Variants in STAU1 observed in about 807,000 individuals in gnomAD.
The protein encoded by STAU1 is double-stranded RNA-binding protein Staufen homolog 1.
A neutral mutation model predicts 62.9 loss-of-function variants in STAU1; 13 were observed. The ratio of observed to expected loss-of-function variants is 0.21; its 90% CI spans 0.13 to 0.33. The LOEUF (loss-of-function observed/expected upper bound fraction) is 0.33. Among genes scored for constraint, STAU1 ranks in the 10% least tolerant of loss-of-function variants. The pLI, the probability that STAU1 is intolerant of heterozygous loss-of-function variation, is 1.00. For missense variants in STAU1, 571 were observed against 712.1 expected, an observed-to-expected ratio of 0.80 and a Z score of 2.25; for synonymous variants, 269 against 265.1, an observed-to-expected ratio of 1.01 and a Z score of -0.14.
Position 49,166,014 on chromosome 20 carries a change from G to A in STAU1, c.188C>T (p.Ser63Phe), listed in dbSNP as rs2093520296. The A allele has an allele frequency of 1.9e-6, 3 of 1,614,172 alleles. No homozygotes were observed. Among genetic ancestry groups the A allele is most frequent in the Non-Finnish European group, 2.5e-6 (3 of 1,179,986 alleles). Residue 63 changes from serine (S) to phenylalanine (F), a missense_variant, in exon 3 of 14, where the codon TCC (serine) becomes TTC (phenylalanine). Coordinates refer to ENST00000371856, the MANE Select transcript of STAU1 (RefSeq NM_017453.4). Reference sequence around the variant, plus strand: ...ATGCTTACCTGCAGCTGCACTGGTGGATGTAATAGATGCAGAGGGTAAAGC... The same window carrying A: ...ATGCTTACCTGCAGCTGCACTGGTGAATGTAATAGATGCAGAGGGTAAAGC... ...NSALPSASIT[S>F]TSAAAESITP...
chr20:49,199,036 C>T, the STAU1 span, among the ~76,000 whole-genome samples: 1 of 151,340 alleles, frequency 6.6e-6, no homozygotes, highest in Non-Finnish European at 1.5e-5. Context: ...ATCCCAGCCA[C>T]TCGGGAGGCT....
the STAU1 span, among the ~76,000 whole-genome samples, chr20:49,199,235 G>A: frequency 6.6e-6 from 1 of 151,206 alleles, no homozygotes; most frequent in African/African-American, 2.4e-5. Context: ...ACGCCTGGCT[G>A]ATTTTTTTTA....
the STAU1 span, among the ~76,000 whole-genome samples, chr20:49,198,752 A>G: frequency 6.6e-6 from 1 of 152,092 alleles, no homozygotes; most frequent in Non-Finnish European, 1.5e-5. Context: ...TCACGAGGTC[A>G]GGAGATCAAG....
intron 2 of STAU1, among the ~76,000 whole-genome samples, chr20:49,172,490 T>C (rs2093609707): frequency 6.6e-6 from 1 of 152,196 alleles, no homozygotes; most frequent in Non-Finnish European, 1.5e-5. Flanking sequence ...CTTTTAAAAG[T>C]AGTTCTGTGT....
chr20:49,198,879 CT>C, the STAU1 span, among the ~76,000 whole-genome samples: 1 of 152,116 alleles, frequency 6.6e-6, no homozygotes, highest in East Asian at 1.9e-4. Flanking sequence ...AGGAAAATCG[CT>C]TGAACCCAGG....
chr20:49,206,786 T>C, the STAU1 span, among the ~76,000 whole-genome samples: 2 of 147,428 alleles, frequency 1.4e-5, no homozygotes, highest in Admixed American at 1.4e-4. Flanking sequence ...AGACAGAGTC[T>C]GGCTCTGTCA....
chr20:49,136,768 G>A (rs1462150319), intron 5 of STAU1, among the ~76,000 whole-genome samples: 1 of 152,044 alleles, frequency 6.6e-6, no homozygotes, highest in Admixed American at 6.5e-5. Flanking sequence ...CGCGATTTTG[G>A]CTCACTGCTA....
At chr20:49,198,046 A>G in the STAU1 span, among the ~76,000 whole-genome samples, 1 of 152,198 alleles carries the variant, frequency 6.6e-6, no homozygotes. Context: ...ACAGCTTAGC[A>G]ATAAGAAAAA....
At chr20:49,159,146 G>GC (rs1260742954) in intron 3 of STAU1, 167 of 1,049,678 alleles carry the variant, frequency 1.6e-4, no homozygotes, top group Non-Finnish European at 1.8e-4. Context: ...AGGGGAAAAA[G>GC]CTAAAAAAAA....
the STAU1 span, chr20:49,210,502 G>A: frequency 4.4e-6 from 2 of 455,664 alleles, no homozygotes; most frequent in South Asian, 3.1e-5. Context: ...CCTTGTTTCT[G>A]GTAGTGGTGG....
At position 49,181,763 on chromosome 20, in the gene STAU1, C is replaced by CAAAAAAAAAAAAAAAAA. The variant is rs1309573018; in HGVS notation, c.-160+6352_-160+6353insTTTTTTTTTTTTTTTTT. ...CCTGGGCAACAGAGCAAGACTATCT[C>CAAAAAAAAAAAAAAAAA]AACAAAAAAAAAAAAAAAAAAAAAA... On this transcript the variant is annotated intron_variant, in intron 1 of 13. Coordinates refer to ENST00000371856, the MANE Select transcript of STAU1 (RefSeq NM_017453.4). 3.0e-5 allele frequency among the ~76,000 whole-genome samples: 2 copies of CAAAAAAAAAAAAAAAAA among 66,702 alleles called. 1 individual carries two copies. The allele number at this position is 66,702 out of a possible 152,430, so 43.8% of individuals were successfully genotyped here.
the STAU1 span, among the ~76,000 whole-genome samples, chr20:49,196,564 A>T: frequency 2.6e-5 from 4 of 152,088 alleles, no homozygotes; most frequent in East Asian, 7.7e-4. Context: ...AGGCCGGCAG[A>T]TCTCCTGAGC....
At chr20:49,183,343 T>G (rs1324505790) in intron 1 of STAU1, among the ~76,000 whole-genome samples, 1 of 152,178 alleles carries the variant, frequency 6.6e-6, no homozygotes, top group Non-Finnish European at 1.5e-5. Context: ...TCACTGGGTA[T>G]CACATCAAAT....
chr20:49,123,078 C>T lies in STAU1; in HGVS notation c.966+14G>A. 1 of 1,566,992 alleles carries T rather than the reference C, an allele frequency of 6.4e-7. No homozygotes were observed. Among genetic ancestry groups the T allele is most frequent in the Non-Finnish European group, 8.6e-7 (1 of 1,157,230 alleles). On this transcript the variant is annotated intron_variant, in intron 8 of 13. Coordinates refer to ENST00000371856, the MANE Select transcript of STAU1 (RefSeq NM_017453.4). Reference sequence around the variant, plus strand: ...GGTCAGAGGAAGGGGCGCCCATCATCCATGCGGACCCACCTGCATCACAAA... The same window carrying T: ...GGTCAGAGGAAGGGGCGCCCATCATTCATGCGGACCCACCTGCATCACAAA...
chr20:49,195,898 C>CAAAAAAAAAAAAAAAAAA, the STAU1 span, among the ~76,000 whole-genome samples: 10 of 33,866 alleles, frequency 3.0e-4, no homozygotes, highest in Admixed American at 6.3e-4. Context: ...AACTTCCTCT[C>CAAAAAAAAAAAAAAAAAA]AAAAAAAAAA....
intron 3 of STAU1, among the ~76,000 whole-genome samples, chr20:49,155,687 C>T (rs114923677): frequency 6.6e-6 from 1 of 152,310 alleles, no homozygotes; most frequent in African/African-American, 2.4e-5. Flanking sequence ...CAGAGGGCCA[C>T]ATGAATTACA....
At chr20:49,140,092 A>G (rs2092974085) in intron 5 of STAU1, among the ~76,000 whole-genome samples, 1 of 152,070 alleles carries the variant, frequency 6.6e-6, no homozygotes, top group African/African-American at 2.4e-5. Context: ...AGGCTGAGGC[A>G]GGAGAATCGC....
At position 49,123,134 on chromosome 20, in the gene STAU1, G is replaced by A. The variant is rs1568826405; in HGVS notation, c.924C>T (p.Leu308=). ...KKEKEPEYTL[L]TERGLPRRRE... ...TGCGGCGCGGGAGGCCTCGCTCTGT[G>A]AGGAGCGTGTACTCTGGCTCCTTCT... The change falls in exon 8 of 14, where the codon CTC becomes CTT. Residue 308 remains leucine, a synonymous_variant. Coordinates refer to ENST00000371856, the MANE Select transcript of STAU1 (RefSeq NM_017453.4). 3.1e-6 allele frequency: 5 copies of A among 1,613,782 alleles called. No individual in the cohort carries two copies. The highest frequency in any genetic ancestry group is 4.2e-6 in the Non-Finnish European group (5 of 1,179,834).
At chr20:49,158,991 T>C in intron 3 of STAU1, 1 of 1,299,814 alleles carries the variant, frequency 7.7e-7, no homozygotes, top group Non-Finnish European at 1.0e-6. Flanking sequence ...TATTATATGT[T>C]CTGCAGTCCA....
Sources: gnomAD v4.1 joint callset for allele counts (sites outside exome capture counted in the v4.1 genomes callset) on GRCh38, gnomAD v4.1.1 for gene constraint, MANE v1.5 for transcripts, NCBI Gene and HGNC (gene_info 2026-07-23, HGNC 2026-07-21) for gene names.